The following ZPLD1 variants were observed in gnomAD, a reference collection of about 807,000 sequenced individuals.
The protein encoded by ZPLD1 is zona pellucida like domain containing 1, also known as zona pellucida-like domain-containing protein 1.
ZPLD1 carries 34 observed loss-of-function variants against 47.2 expected under a neutral mutation model. The observed-to-expected ratio is 0.72, with a 90% confidence interval of 0.55 to 0.96. The LOEUF (loss-of-function observed/expected upper bound fraction) is 0.96, where lower values mean the gene tolerates loss of function less well. Ranked by LOEUF, ZPLD1 falls within the 40% of genes least tolerant of loss-of-function variation. The pLI is 0.00. For missense variants in ZPLD1, 512 were observed against 505.8 expected, an observed-to-expected ratio of 1.01 and a Z score of -0.12; for synonymous variants, 176 against 186.2, an observed-to-expected ratio of 0.95 and a Z score of 0.45.
chr3:102,453,188 A>G, intron 4 of ZPLD1, 49 bp downstream of exon 4: 2 of 1,516,042 alleles, frequency 1.3e-6, no homozygotes, highest in Non-Finnish European at 1.8e-6. Flanking sequence ...ATAAATAAAA[A>G]TCTCCCCATT....
At chr3:102,404,939 C>G (rs1198956550) in intron 7 of ZPLD1, among the ~76,000 whole-genome samples, 1 of 151,908 alleles carries the variant, frequency 6.6e-6, no homozygotes, top group Non-Finnish European at 1.5e-5. Flanking sequence ...AGACATTCCC[C>G]ACAGAGTTAC....
chr3:102,452,012 A>T (rs1345239693), intron 3 of ZPLD1, among the ~76,000 whole-genome samples: 7 of 152,084 alleles, frequency 4.6e-5, no homozygotes, highest in African/African-American at 1.7e-4. Context: ...TGAATGTAAA[A>T]TAATCTACCA....
chr3:102,476,836 C>A (rs7627117), intron 10 of ZPLD1, among the ~76,000 whole-genome samples, 176 bp from the exon 11 acceptor site: 56,552 of 151,760 alleles, frequency 0.37, 13,163 homozygotes, highest in African/African-American at 0.67. Flanking sequence ...AGGGCATGGA[C>A]AAGCAGAATG....
At chr3:102,473,310 C>T (rs1707712463) in intron 10 of ZPLD1, among the ~76,000 whole-genome samples, 1 of 152,184 alleles carries the variant, frequency 6.6e-6, no homozygotes, top group Non-Finnish European at 1.5e-5. Flanking sequence ...ACATAAGTAA[C>T]CAGCTCTCCA....
At chr3:102,417,373 G>T (rs757539844) in intron 7 of ZPLD1, among the ~76,000 whole-genome samples, 1 of 151,950 alleles carries the variant, frequency 6.6e-6, no homozygotes. Context: ...GTTCGCTGTG[G>T]TGCCTGTGTC....
chr3:102,419,262 A>G (rs554301011), intron 8 of ZPLD1, among the ~76,000 whole-genome samples: 122 of 152,118 alleles, frequency 8.0e-4, no homozygotes, highest in African/African-American at 2.8e-3. Flanking sequence ...CTCATGTGAC[A>G]CATTTCAGAA....
At chr3:102,412,718 T>G (rs1434043511) in intron 7 of ZPLD1, among the ~76,000 whole-genome samples, 1 of 151,658 alleles carries the variant, frequency 6.6e-6, no homozygotes, top group Non-Finnish European at 1.5e-5. Context: ...AAAGATAAAA[T>G]GGACTACCCC....
At chr3:102,421,806 TAAAAAA>T (rs879705724) in intron 8 of ZPLD1, among the ~76,000 whole-genome samples, 2 of 150,870 alleles carry the variant, frequency 1.3e-5, no homozygotes, top group African/African-American at 4.9e-5. Flanking sequence ...TAGTGAGACT[TAAAAAA>T]AAACTGAACC....
intron 7 of ZPLD1, chr3:102,392,247 TC>T (rs1457374294): frequency 6.6e-6 from 1 of 152,204 alleles, no homozygotes; most frequent in African/African-American, 2.4e-5. Context: ...CAGGTCTTTT[TC>T]TTAAGGCCTT....
rs375260015 is a variant in ZPLD1, at chr3:102,426,601, G to A, written c.-9+8394G>A. On this transcript the variant is annotated intron_variant, in intron 8 of 17. Coordinates refer to the ZPLD1 transcript ENST00000491959. ...TTCCAATGTAAAGATTTGTATAATGGTTATCTTCATTTGTCTATGAGTAAT... is the reference window on the plus strand; with the variant it reads ...TTCCAATGTAAAGATTTGTATAATGATTATCTTCATTTGTCTATGAGTAAT... Among the ~76,000 whole-genome samples, 7 of 151,852 alleles carry A rather than the reference G, an allele frequency of 4.6e-5. No homozygotes were observed. The East Asian group carries it at 1.2e-3, about 25-fold the overall frequency.
intron 3 of ZPLD1, among the ~76,000 whole-genome samples, chr3:102,444,791 G>C (rs1417182366): frequency 6.6e-6 from 1 of 152,152 alleles, no homozygotes; most frequent in Non-Finnish European, 1.5e-5. Flanking sequence ...ACAGATTGCT[G>C]TTTATACTAT....
intron 8 of ZPLD1, among the ~76,000 whole-genome samples, chr3:102,468,268 T>G (rs1707628496): frequency 6.6e-6 from 1 of 152,198 alleles, no homozygotes; most frequent in Admixed American, 6.5e-5. Context: ...TGACAATATC[T>G]ATTAAATGAT....
At chr3:102,470,683 G>T (rs961435758) in intron 10 of ZPLD1, among the ~76,000 whole-genome samples, 181 bp downstream of exon 10, 3 of 151,652 alleles carry the variant, frequency 2.0e-5, no homozygotes, top group Non-Finnish European at 2.9e-5. Context: ...TCACACAAAG[G>T]GCAATATTGT....
intron 5 of ZPLD1, 35 bp downstream of exon 5, chr3:102,456,409 G>C (rs756888396): frequency 2.5e-6 from 4 of 1,586,564 alleles, no homozygotes; most frequent in Non-Finnish European, 3.4e-6. Context: ...TTCTCATATT[G>C]CATTTTTGCT....
chr3:102,465,340 TTAGA>T (rs1327617455), intron 8 of ZPLD1, among the ~76,000 whole-genome samples: 2 of 152,296 alleles, frequency 1.3e-5, no homozygotes, highest in East Asian at 3.9e-4. Context: ...AAGTTATGTA[TTAGA>T]TAGAAAAAAA....
chr3:102,429,127 G>A (rs953727296), intron 8 of ZPLD1, among the ~76,000 whole-genome samples: 2 of 152,138 alleles, frequency 1.3e-5, no homozygotes, highest in Non-Finnish European at 2.9e-5. Flanking sequence ...TATAGTCTAT[G>A]TAAGGGCTTA....
intron 6 of ZPLD1, among the ~76,000 whole-genome samples, chr3:102,385,918 C>T (rs569524693): frequency 1.3e-5 from 2 of 152,182 alleles, no homozygotes; most frequent in Non-Finnish European, 2.9e-5. Context: ...TGAAACTTCT[C>T]TCCTCCTTCC....
At chr3:102,469,259 G>C (rs1310961088) in intron 9 of ZPLD1, 124 bp downstream of exon 9, 3 of 1,040,970 alleles carry the variant, frequency 2.9e-6, no homozygotes, top group Non-Finnish European at 4.1e-6. Flanking sequence ...TTTGAAGTAG[G>C]ATTTATTCAT....
intron 7 of ZPLD1, among the ~76,000 whole-genome samples, chr3:102,404,485 C>A (rs1706658721): frequency 6.6e-6 from 1 of 151,986 alleles, no homozygotes; most frequent in African/African-American, 2.4e-5. Context: ...AGGACACAAC[C>A]AGTGCCTATA....
Sources: gnomAD v4.1 joint callset for allele counts (sites outside exome capture counted in the v4.1 genomes callset) on GRCh38, gnomAD v4.1.1 for gene constraint, MANE v1.5 for transcripts, NCBI Gene and HGNC (gene_info 2026-07-23, HGNC 2026-07-21) for gene names.